Variants in PGS1 observed in about 807,000 individuals in gnomAD.
PGS1 encodes the protein CDP-diacylglycerol--glycerol-3-phosphate 3-phosphatidyltransferase, mitochondrial.
PGS1 carries 44 observed loss-of-function variants against 58.3 expected under a neutral mutation model. The observed-to-expected ratio is 0.75, with a 90% CI of 0.59 to 0.97. PGS1 has a LOEUF of 0.97. Ranked by LOEUF, PGS1 falls within the 50% of genes least tolerant of loss-of-function variation. The pLI is 0.00. For synonymous variants in PGS1, 330 were observed against 311.0 expected, an observed-to-expected ratio of 1.06 and a Z score of -0.64; for missense variants, 684 against 731.1, an observed-to-expected ratio of 0.94 and a Z score of 0.74.
At position 78,414,962 on chromosome 17, in the gene PGS1, C is replaced by T. The variant is rs777564148; in HGVS notation, c.1486C>T (p.Arg496Trp). 1.1e-5 allele frequency: 17 copies of T among 1,613,722 alleles called. No individual in the cohort carries two copies. The highest frequency in any genetic ancestry group is 6.6e-5 in the South Asian group (6 of 91,052). The change falls in exon 8 of 10, where the codon CGG becomes TGG. Residue 496 changes from arginine to tryptophan, a missense_variant. Physicochemically the swap from Arg to Trp is moderately radical, Grantham distance 101 (BLOSUM62 -3). Coordinates refer to ENST00000262764, the MANE Select transcript of PGS1 (RefSeq NM_024419.5). ...SPNFGYRSVH[R>W]DLEAQIAIVT... is the part of the protein sequence containing the mutation. ...TAATTTTGGGTACAGGTCAGTTCAC[C>T]GGGACCTGGAGGCCCAGATTGCGAT...
chr17:78,404,717 A>G (rs1023211306), intron 7 of PGS1, among the ~76,000 whole-genome samples: 2 of 150,424 alleles, frequency 1.3e-5, no homozygotes, highest in African/African-American at 4.9e-5. Flanking sequence ...CTGGAGTGCA[A>G]TGGTGCGATC....
intron 1 of PGS1, among the ~76,000 whole-genome samples, chr17:78,386,978 ATGGTGATGATGG>A (rs752990148): frequency 0.017 from 2,506 of 151,092 alleles, 51 homozygotes; most frequent in African/African-American, 0.053. Flanking sequence ...GATGATGATG[ATGGTGATGATGG>A]TGATGATGAT....
At chr17:78,386,041 C>T (rs1450739596) in intron 1 of PGS1, among the ~76,000 whole-genome samples, 1 of 152,160 alleles carries the variant, frequency 6.6e-6, no homozygotes, top group Non-Finnish European at 1.5e-5. Context: ...AGTCAGGGGT[C>T]CTCAGCACTT....
Position 78,423,568 on chromosome 17 carries a change from C to G in PGS1, c.*11-493C>G. On this transcript the variant is annotated intron_variant, in intron 9 of 9. Transcript: ENST00000262764. ...GTTAAAAGCAAACTCCACTGACCCC[C>G]CCGGGAAGTCAGGATTTGGGATTTA... The G allele has an allele frequency of 2.3e-5, 7 of 308,200 alleles. 1 individual carries two copies. The highest frequency in any genetic ancestry group is 1.8e-4 in the South Asian group (5 of 27,218). 19.1% of individuals were successfully genotyped at this position (308,200 alleles called of 1,614,324 possible). A position where few individuals can be genotyped will look rare whatever the true frequency, so the allele number is the denominator to read the frequency against.
intron 7 of PGS1, among the ~76,000 whole-genome samples, chr17:78,404,390 C>T (rs1489209092): frequency 6.6e-6 from 1 of 150,674 alleles, no homozygotes; most frequent in African/African-American, 2.4e-5. Flanking sequence ...AAGCAGTCCT[C>T]CCACCGTAGC....
At chr17:78,383,904 C>A (rs1305280943) in intron 1 of PGS1, among the ~76,000 whole-genome samples, 1 of 152,148 alleles carries the variant, frequency 6.6e-6, no homozygotes, top group African/African-American at 2.4e-5. Flanking sequence ...CAAATAGAAC[C>A]CAGCCTGGGA....
At position 78,403,547 on chromosome 17, in the gene PGS1, CT is replaced by C. The variant is rs756828329; in HGVS notation, c.881-19del. 1 of 1,602,808 alleles carries C rather than the reference CT, an allele frequency of 6.2e-7. No individual in the cohort carries two copies. The highest frequency in any genetic ancestry group is 2.2e-5 in the East Asian group (1 of 44,612). On this transcript the variant is annotated intron_variant, in intron 6 of 9. Transcript: ENST00000262764. ...ACCCTCCATTTCTCTTCCCTTCACTCTTCTTTCACGTCTTCCCCAGGGGACC... is the reference window on the plus strand; with the variant it reads ...ACCCTCCATTTCTCTTCCCTTCACTCTCTTTCACGTCTTCCCCAGGGGACC...
At chr17:78,387,422 C>A (rs2082481044) in intron 1 of PGS1, among the ~76,000 whole-genome samples, 1 of 145,668 alleles carries the variant, frequency 6.9e-6, no homozygotes, top group Admixed American at 6.8e-5. Context: ...TCCTCAGCCT[C>A]CCGAGTAGCT....
At chr17:78,396,489 C>G in intron 3 of PGS1, 104 bp downstream of exon 3, 1 of 798,914 alleles carries the variant, frequency 1.3e-6, no homozygotes, top group Non-Finnish European at 2.0e-6. Context: ...TTTCCTTGGC[C>G]TCCATGTCAG....
rs553460700 is a variant in PGS1, at chr17:78,399,484, C to G, written c.648C>G (p.Ile216Met). 11 of 1,614,078 alleles carry G rather than the reference C, an allele frequency of 6.8e-6. No homozygotes were observed. Among genetic ancestry groups the G allele is most frequent in the African/African-American group, 2.7e-5 (2 of 74,928 alleles). The change falls in exon 5 of 10, where the codon ATC (isoleucine) becomes ATG (methionine). Residue 216 changes from isoleucine (I) to methionine (M), a missense_variant. Transcript: ENST00000262764. ...TCCCTGAGCGCTTCAACGAGACCATCGGCCTCCAGCACATTAAGGTGTACC... is the reference window on the plus strand; with the variant it reads ...TCCCTGAGCGCTTCAACGAGACCATGGGCCTCCAGCACATTAAGGTGTACC... ...LLIPERFNET[I>M]GLQHIKVYLF... is the part of the protein sequence containing the mutation.
chr17:78,416,820 C>T (rs143527618), intron 8 of PGS1, among the ~76,000 whole-genome samples: 1 of 152,264 alleles, frequency 6.6e-6, no homozygotes, highest in African/African-American at 2.4e-5. Context: ...GGCAGCTGCT[C>T]TCCTGAGCCC....
intron 1 of PGS1, among the ~76,000 whole-genome samples, chr17:78,387,880 A>T (rs558222394): frequency 1.3e-5 from 2 of 152,146 alleles, no homozygotes; most frequent in African/African-American, 4.8e-5. Flanking sequence ...TTATAGGCAC[A>T]TGCTACCGTG....
At chr17:78,399,623 C>A (rs2083499145) in intron 5 of PGS1, 86 bp downstream of exon 5, 1 of 1,389,284 alleles carries the variant, frequency 7.2e-7, no homozygotes, top group Non-Finnish European at 1.0e-6. Flanking sequence ...AAACCCGTTC[C>A]CCTCAGTCTT....
In PGS1 at chr17:78,404,279, ATTT is replaced by A. The variant is rs34032688; in HGVS notation, c.1402+210_1402+212del. On this transcript the variant is annotated intron_variant, in intron 7 of 9. Coordinates refer to ENST00000262764, the MANE Select transcript of PGS1 (RefSeq NM_024419.5). ...GGCGAGCATTCATCTCCTCAAGGGA[ATTT>A]TTTTTTTTTTTTTTTTTTTGTGACA... is the stretch of plus-strand genomic sequence containing the variant. Among the ~76,000 whole-genome samples the A allele has an allele frequency of 4.3e-3, 530 of 122,554 alleles. 5 individuals carry two copies. Among genetic ancestry groups the A allele is most frequent in the South Asian group, 0.011 (40 of 3,768 alleles). 80.4% of individuals were successfully genotyped at this position (122,554 alleles called of 152,430 possible).
At chr17:78,395,905 A>G (rs913168549) in intron 2 of PGS1, among the ~76,000 whole-genome samples, 1 of 152,100 alleles carries the variant, frequency 6.6e-6, no homozygotes, top group African/African-American at 2.4e-5. Flanking sequence ...TGGCGTGGCT[A>G]ATCTTTATGT....
intron 1 of PGS1, among the ~76,000 whole-genome samples, 169 bp from the exon 2 acceptor site, chr17:78,392,307 A>T (rs2082891381): frequency 6.6e-6 from 1 of 152,240 alleles, no homozygotes; most frequent in Non-Finnish European, 1.5e-5. Flanking sequence ...CCTTTAGCAG[A>T]GCTTGAGTTG....
intron 3 of PGS1, among the ~76,000 whole-genome samples, chr17:78,396,664 G>C (rs2083249987): frequency 6.6e-6 from 1 of 152,262 alleles, no homozygotes; most frequent in South Asian, 2.1e-4. Context: ...AGGCAGCTCT[G>C]TCTGCCAGTT....
chr17:78,423,903 G>C, intron 9 of PGS1, 158 bp from the exon 10 acceptor site: 1 of 1,613,826 alleles, frequency 6.2e-7, no homozygotes, highest in Non-Finnish European at 8.5e-7. Flanking sequence ...AGGCAGGAGC[G>C]AGCTAAACCT....
intron 2 of PGS1, among the ~76,000 whole-genome samples, chr17:78,395,699 C>G (rs1043172538): frequency 6.6e-6 from 1 of 152,268 alleles, no homozygotes; most frequent in Non-Finnish European, 1.5e-5. Context: ...AAGAGTGATT[C>G]GTGCCCAGTA....
Sources: gnomAD v4.1 joint callset for allele counts (sites outside exome capture counted in the v4.1 genomes callset) on GRCh38, gnomAD v4.1.1 for gene constraint, MANE v1.5 for transcripts, NCBI Gene and HGNC (gene_info 2026-07-23, HGNC 2026-07-21) for gene names.